The following PALLD variants were observed in gnomAD, a reference collection of about 807,000 sequenced individuals.
PALLD encodes the protein palladin.
In PALLD, 61 loss-of-function variants were observed where a neutral mutation model predicts 123.5. The observed-to-expected ratio is 0.49, with a 90% CI of 0.40 to 0.61. The LOEUF is 0.61. Among genes scored for constraint, PALLD ranks in the 20% least tolerant of loss-of-function variants. The pLI is 0.00. For synonymous variants in PALLD, 465 were observed against 496.4 expected, an observed-to-expected ratio of 0.94 and a Z score of 0.84; for missense variants, 1,273 against 1,377.0, an observed-to-expected ratio of 0.92 and a Z score of 1.20.
chr4:168,722,041 A>G (rs1786071586), intron 10 of PALLD, among the ~76,000 whole-genome samples: 5 of 152,092 alleles, frequency 3.3e-5, no homozygotes, highest in Admixed American at 3.3e-4. Context: ...CTATTTATGT[A>G]TATATGTATG....
In PALLD at chr4:168,690,779, A is replaced by G. The variant is rs745405834; in HGVS notation, c.1477+35A>G. ...AGTGCCCATGTCCCCAAATCTGACC[A>G]TTTTATTCTCTCCAGCTTCAAGAAA... is the stretch of plus-strand genomic sequence containing the variant. On this transcript the variant is annotated intron_variant, in intron 7 of 21. Transcript: ENST00000505667. 3.7e-6 allele frequency: 6 copies of G among 1,608,988 alleles called. No homozygotes were observed. In the South Asian group the frequency reaches 6.6e-5, roughly 18 times the overall value.
At chr4:168,878,157 CG>C in intron 10 of PALLD, 2 of 1,492,558 alleles carry the variant, frequency 1.3e-6, no homozygotes, top group Non-Finnish European at 1.8e-6. Flanking sequence ...CCGTCGCCCC[CG>C]CCCCCGCCAC....
At chr4:168,611,692 G>A (rs1196595055) in intron 2 of PALLD, among the ~76,000 whole-genome samples, 1 of 152,088 alleles carries the variant, frequency 6.6e-6, no homozygotes, top group South Asian at 2.1e-4. Context: ...TGCCTTTCTG[G>A]TACCATTTTA....
chr4:168,548,292 CT>C lies in PALLD; in HGVS notation c.908+35882del, dbSNP rs1034026204. Among the ~76,000 whole-genome samples, 35 of 151,110 alleles carry C rather than the reference CT, an allele frequency of 2.3e-4. 1 individual carries two copies. The highest frequency in any genetic ancestry group is 8.3e-4 in the African/African-American group (34 of 41,134). ...GACTTAAAAATGGAAGAGGCTCTTC[CT>C]TACTTTTTTTCAGATGAAAAAAGGA... On this transcript the variant is annotated intron_variant, in intron 2 of 21. Transcript: ENST00000505667.
chr4:168,671,005 G>A (rs553411886), intron 3 of PALLD, among the ~76,000 whole-genome samples: 6 of 132,532 alleles, frequency 4.5e-5, no homozygotes, highest in African/African-American at 5.8e-5. Context: ...GCAACAGAGC[G>A]AGGCTCAGTC....
chr4:168,665,562 C>CA (rs1279131086), intron 2 of PALLD, among the ~76,000 whole-genome samples: 3 of 152,064 alleles, frequency 2.0e-5, no homozygotes, highest in Admixed American at 6.5e-5. Context: ...GACTCCATCT[C>CA]AAAAACAAAC....
chr4:168,861,587 T>C (rs1458609897), intron 10 of PALLD, among the ~76,000 whole-genome samples: 1 of 152,336 alleles, frequency 6.6e-6, no homozygotes, highest in East Asian at 1.9e-4. Flanking sequence ...ACCTAACTTA[T>C]GGTCACAAAG....
chr4:168,789,474 AG>A (rs1202095918), intron 10 of PALLD, among the ~76,000 whole-genome samples: 1 of 152,222 alleles, frequency 6.6e-6, no homozygotes, highest in Non-Finnish European at 1.5e-5. Context: ...TGGGAGGCCG[AG>A]GCAGGCGGAT....
intron 2 of PALLD, among the ~76,000 whole-genome samples, chr4:168,603,114 A>G (rs1772838748): frequency 6.6e-6 from 1 of 152,006 alleles, no homozygotes; most frequent in Non-Finnish European, 1.5e-5. Flanking sequence ...TGGATTAACC[A>G]CTCTAAATAT....
intron 2 of PALLD, among the ~76,000 whole-genome samples, chr4:168,536,931 T>C (rs1345935039): frequency 6.6e-6 from 1 of 151,624 alleles, no homozygotes; most frequent in Non-Finnish European, 1.5e-5. Flanking sequence ...GGGTTCAAGC[T>C]ATTCTCCTGC....
At chr4:168,777,708 C>A (rs1445044681) in intron 10 of PALLD, among the ~76,000 whole-genome samples, 2 of 152,166 alleles carry the variant, frequency 1.3e-5, no homozygotes, top group Admixed American at 1.3e-4. Context: ...GAAAATACTT[C>A]CTCCTCCCAG....
intron 2 of PALLD, among the ~76,000 whole-genome samples, chr4:168,535,820 T>C (rs941982877): frequency 1.3e-5 from 2 of 152,184 alleles, no homozygotes; most frequent in Admixed American, 1.3e-4. Flanking sequence ...TCCTTTATGC[T>C]GTCTATAAGG....
chr4:168,658,961 G>C (rs1236176943), intron 2 of PALLD, among the ~76,000 whole-genome samples: 1 of 152,202 alleles, frequency 6.6e-6, no homozygotes, highest in Non-Finnish European at 1.5e-5. Flanking sequence ...TATAGCCATA[G>C]TAAATTTAGA....
At chr4:168,762,639 C>G (rs924326472) in intron 10 of PALLD, among the ~76,000 whole-genome samples, 1 of 152,140 alleles carries the variant, frequency 6.6e-6, no homozygotes, top group Non-Finnish European at 1.5e-5. Context: ...GATCTAGAAC[C>G]AGAAATACCA....
At chr4:168,902,952 T>G (rs2151299639) in intron 14 of PALLD, among the ~76,000 whole-genome samples, 1 of 152,118 alleles carries the variant, frequency 6.6e-6, no homozygotes, top group South Asian at 2.1e-4. Context: ...TTTTATTTTT[T>G]GGGTCTTACT....
chr4:168,640,017 C>T (rs913506494), intron 2 of PALLD, among the ~76,000 whole-genome samples: 5 of 152,202 alleles, frequency 3.3e-5, no homozygotes, highest in African/African-American at 9.6e-5. Flanking sequence ...CCATGCATCT[C>T]AAACTGTGAA....
chr4:168,854,769 C>T (rs1748337441), intron 10 of PALLD, among the ~76,000 whole-genome samples: 1 of 152,150 alleles, frequency 6.6e-6, no homozygotes, highest in Non-Finnish European at 1.5e-5. Flanking sequence ...AAGAGAATGC[C>T]AGCTGAATTT....
chr4:168,600,195 C>T (rs1772494558), intron 2 of PALLD, among the ~76,000 whole-genome samples: 3 of 151,938 alleles, frequency 2.0e-5, no homozygotes, highest in South Asian at 2.1e-4. Flanking sequence ...AAACGGTGTG[C>T]GTGTGTGTGT....
At chr4:168,877,742 C>T in intron 10 of PALLD, 1 of 1,160,094 alleles carries the variant, frequency 8.6e-7, no homozygotes, top group Non-Finnish European at 1.1e-6. Flanking sequence ...GAAGCTCCAG[C>T]AACTCCAGAA....
Sources: allele counts gnomAD v4.1 joint callset (sites outside exome capture counted in the v4.1 genomes callset), GRCh38; gene constraint gnomAD v4.1.1; transcripts MANE v1.5; gene names NCBI Gene and HGNC (gene_info 2026-07-23, HGNC 2026-07-21).